ATM: variants seen among roughly 807,000 people sequenced by gnomAD.
The protein encoded by ATM is serine-protein kinase ATM.
Under a neutral mutation model 387.0 loss-of-function variants are expected in ATM, and 308 were observed. The ratio of observed to expected loss-of-function variants is 0.80; its 90% CI spans 0.73 to 0.87. ATM has a LOEUF of 0.87. Ranked by LOEUF, ATM falls within the 40% of genes least tolerant of loss-of-function variation. The pLI is 0.00. For missense variants in ATM, 3,312 were observed against 3,560.9 expected (o/e 0.93, Z 1.78); for synonymous variants, 1,156 against 1,187.3 (o/e 0.97, Z 0.54).
intron 33 of ATM, among the ~76,000 whole-genome samples, chr11:108,299,315 CTTT>C (rs34021496): frequency 2.1e-5 from 3 of 143,328 alleles, no homozygotes; most frequent in Non-Finnish European, 1.5e-5. Flanking sequence ...TTCTCTCTCT[CTTT>C]TTTTTTTTTT....
At chr11:108,239,169 T>C (rs1262832837) in intron 5 of ATM, among the ~76,000 whole-genome samples, 1 of 152,148 alleles carries the variant, frequency 6.6e-6, no homozygotes, top group Non-Finnish European at 1.5e-5. Flanking sequence ...TTAATGCCCT[T>C]ATGAAAAGAG....
chr11:108,330,141 T>G, intron 49 of ATM, 73 bp from the exon 50 acceptor site: 1 of 1,493,902 alleles, frequency 6.7e-7, no homozygotes, highest in Non-Finnish European at 9.2e-7. Flanking sequence ...TTAAATGTTG[T>G]ATATCATGTG....
At chr11:108,236,534 T>TAA (rs11418587) in intron 5 of ATM, 156 of 141,744 alleles carry the variant, frequency 1.1e-3, no homozygotes, top group Middle Eastern at 3.6e-3. Flanking sequence ...TGTTTCCATT[T>TAA]AAAAAAAAAA....
intron 59 of ATM, among the ~76,000 whole-genome samples, chr11:108,349,722 G>A (rs1249566924): frequency 6.6e-6 from 1 of 152,184 alleles, no homozygotes; most frequent in Non-Finnish European, 1.5e-5. Flanking sequence ...GGATGGCAGA[G>A]AAATTTGCTG....
rs747855862 is a variant in ATM at position 108,235,669 on chromosome 11, G to A, written c.332-1G>A. 1 of 1,603,434 alleles carries A rather than the reference G, an allele frequency of 6.2e-7. No individual in the cohort carries two copies. Among genetic ancestry groups the A allele is most frequent in the Non-Finnish European group, 8.5e-7 (1 of 1,171,656 alleles). On this transcript the variant is annotated splice_acceptor_variant, in intron 4 of 62. Transcript: ENST00000675843. LOFTEE classifies it high-confidence loss of function. ...TTCTTTATTTGTTTATTTTGAAATA[G>A]GAGCACCTAGGCTAAAATGTCAAGA...
intron 46 of ATM, 111 bp from the exon 47 acceptor site, chr11:108,325,947 A>AAT: frequency 2.3e-6 from 3 of 1,319,990 alleles, no homozygotes; most frequent in Non-Finnish European, 3.2e-6. Flanking sequence ...AGTCCCTGAC[A>AAT]AGTAGTTAAG....
rs1555097507 is a variant in ATM, at chr11:108,289,676, A to T, written c.4311A>T (p.Arg1437Ser). The change falls in exon 29 of 63, where the codon AGA becomes AGT. Residue 1437 changes from arginine (R) to serine (S), a missense_variant. Transcript: ENST00000675843. ...CAAATAATGTTTATAAGAAGCACAG[A>T]ATTCTTAAAATATATCACCTGTTTG... ...AETNNVYKKH[R>S]ILKIYHLFVS... is the part of the protein sequence containing the mutation. 6.2e-7 allele frequency: 1 copy of T among 1,613,374 alleles called. No individual in the cohort carries two copies.
intron 1 of ATM, 130 bp from the exon 2 acceptor site, chr11:108,227,465 T>A: frequency 1.7e-6 from 1 of 599,222 alleles, no homozygotes; most frequent in Non-Finnish European, 2.9e-6. Context: ...GTGCCTCTAA[T>A]TGTACAGTTA....
chr11:108,256,031 A>G (rs1416978950), intron 13 of ATM, among the ~76,000 whole-genome samples, 184 bp from the exon 14 acceptor site: 1 of 152,162 alleles, frequency 6.6e-6, no homozygotes, highest in Non-Finnish European at 1.5e-5. Context: ...TTTCTTGAGA[A>G]TCCTGGTTAT....
At chr11:108,287,512 T>C (rs1360937518) in intron 26 of ATM, 88 bp from the exon 27 acceptor site, 4 of 791,718 alleles carry the variant, frequency 5.1e-6, no homozygotes, top group Non-Finnish European at 8.1e-6. Flanking sequence ...CGAATACTTT[T>C]GGAAATAAGG....
chr11:108,232,337 T>TTTTG (rs201465266), intron 4 of ATM, among the ~76,000 whole-genome samples: 2,261 of 152,138 alleles, frequency 0.015, 66 homozygotes, highest in African/African-American at 0.05. Context: ...CTTCAGTTGT[T>TTTTG]TTTGTTTGTT....
Position 108,335,059 on chromosome 11 carries a change from A to G in ATM, c.8101A>G (p.Ile2701Val). 6.2e-7 allele frequency: 1 copy of G among 1,614,138 alleles called. No individual in the cohort carries two copies. The highest frequency in any genetic ancestry group is 8.5e-7 in the Non-Finnish European group (1 of 1,180,016). Reference protein sequence around the residue: ...RLAGGVNLPKIIDCVGSDGKE... With the variant: ...RLAGGVNLPKVIDCVGSDGKE... ...AGCAGGAGGTGTAAATTTACCAAAA[A>G]TAATAGATTGTGTAGGTTCCGATGG... Residue 2701 changes from isoleucine to valine, a missense_variant, in exon 55 of 63, where the codon ATA becomes GTA. By Grantham distance (29) the Ile-to-Val change is conservative (BLOSUM62 3). This residue lies in a region of ATM where 1,405 missense variants were observed against 1,604.4 expected (regional missense o/e 0.88). Transcript: ENST00000675843.
At chr11:108,269,984 C>T (rs1312316188) in intron 18 of ATM, among the ~76,000 whole-genome samples, 1 of 152,160 alleles carries the variant, frequency 6.6e-6, no homozygotes, top group Non-Finnish European at 1.5e-5. Context: ...ACCTCATGTA[C>T]ATGACTCTCA....
At chr11:108,334,351 T>TATATC (rs1324603246) in intron 54 of ATM, among the ~76,000 whole-genome samples, 8 of 152,210 alleles carry the variant, frequency 5.3e-5, no homozygotes, top group African/African-American at 1.9e-4. Flanking sequence ...TTGGCTGTGA[T>TATATC]ATATCACAGT....
intron 33 of ATM, chr11:108,299,492 T>A (rs2083302985): frequency 2.3e-6 from 1 of 428,214 alleles, no homozygotes. Flanking sequence ...AGATGGGGCT[T>A]TACCATGTTG....
chr11:108,248,995 A>G lies in ATM; in HGVS notation c.1128A>G (p.Glu376=), dbSNP rs1186427608. 6.2e-7 allele frequency: 1 copy of G among 1,613,256 alleles called. No homozygotes were observed. The highest frequency in any genetic ancestry group is 1.1e-5 in the South Asian group (1 of 91,070). The part of the protein sequence containing the change: ...ISQSYTTTQR[E]SSDYSVPCKR... Reference sequence around the variant, plus strand: ...AATCTTACACTACTACACAAAGAGAATCTAGTGATTACAGTGTCCCTTGCA... The same window carrying G: ...AATCTTACACTACTACACAAAGAGAGTCTAGTGATTACAGTGTCCCTTGCA... The change falls in exon 9 of 63, where the codon GAA becomes GAG. Residue 376 remains glutamate (E), a synonymous_variant. Coordinates refer to ENST00000675843, the MANE Select transcript of ATM (RefSeq NM_000051.4).
At chr11:108,273,277 A>C (rs2081712601) in intron 22 of ATM, among the ~76,000 whole-genome samples, 1 of 150,218 alleles carries the variant, frequency 6.7e-6, no homozygotes, top group Non-Finnish European at 1.5e-5. Context: ...GAAGGATTCT[A>C]TCATGAGGAT....
intron 32 of ATM, chr11:108,296,071 A>C (rs1591688306): frequency 6.6e-6 from 1 of 152,172 alleles, no homozygotes; most frequent in African/African-American, 2.4e-5. Flanking sequence ...AATGAAAGAA[A>C]TATGTCTCAT....
At chr11:108,315,064 T>C (rs563738950) in intron 40 of ATM, among the ~76,000 whole-genome samples, 141 of 152,332 alleles carry the variant, frequency 9.3e-4, no homozygotes, top group South Asian at 6.2e-4. Flanking sequence ...TCAAGGCTTA[T>C]AGTATTGCAG....
Sources: allele counts gnomAD v4.1 joint callset (sites outside exome capture counted in the v4.1 genomes callset), GRCh38; gene constraint gnomAD v4.1.1; regional missense constraint gnomAD v4.1.1; transcripts MANE v1.5; gene names NCBI Gene and HGNC (gene_info 2026-07-23, HGNC 2026-07-21).